The following STK39 variants were observed in gnomAD, a reference collection of about 807,000 sequenced individuals.
The protein encoded by STK39 is STE20/SPS1-related proline-alanine-rich protein kinase.
STK39 carries 20 observed loss-of-function variants against 77.8 expected under a neutral mutation model. The ratio of observed to expected loss-of-function variants is 0.26; its 90% CI spans 0.18 to 0.37. STK39 has a LOEUF of 0.37. Ranked by LOEUF, STK39 falls within the 10% of genes least tolerant of loss-of-function variation. The probability of loss-of-function intolerance (pLI) is 1.00; values close to 1 mark genes in which losing one functional copy is unlikely to be tolerated. For missense variants in STK39, 479 were observed against 656.5 expected, an observed-to-expected ratio of 0.73 and a Z score of 2.95; for synonymous variants, 246 against 234.1, an observed-to-expected ratio of 1.05 and a Z score of -0.47.
chr2:168,093,255 C>T (rs945808865), intron 10 of STK39, among the ~76,000 whole-genome samples: 2 of 152,170 alleles, frequency 1.3e-5, no homozygotes, highest in African/African-American at 4.8e-5. Context: ...CTAGTCCATT[C>T]TCATACTGCT....
chr2:168,121,368 T>C (rs1474176586), intron 10 of STK39, among the ~76,000 whole-genome samples: 2 of 152,188 alleles, frequency 1.3e-5, no homozygotes, highest in South Asian at 2.1e-4. Context: ...TGAAAGAATA[T>C]TGGCTGTGTT....
At chr2:168,246,292 G>C (rs1342906903) in intron 1 of STK39, among the ~76,000 whole-genome samples, 2 of 152,216 alleles carry the variant, frequency 1.3e-5, no homozygotes, top group East Asian at 1.9e-4. Flanking sequence ...TCTAAGTCAA[G>C]GGACAAAACA....
At chr2:168,240,027 T>G (rs1355573372) in intron 1 of STK39, among the ~76,000 whole-genome samples, 1 of 152,234 alleles carries the variant, frequency 6.6e-6, no homozygotes, top group Non-Finnish European at 1.5e-5. Context: ...ACATGCATAT[T>G]ATACTTCAAT....
In STK39 at chr2:168,161,859, T is replaced by C. The variant is rs201769531; in HGVS notation, c.573-17A>G. The stretch of plus-strand genomic sequence containing the variant: ...TTCAAATCCCTATTAGAAAAAAAAA[T>C]AGAAAATAAATTGTAGGGTACAGAC... On this transcript the variant is annotated splice_polypyrimidine_tract_variant and intron_variant, in intron 4 of 17. Coordinates refer to ENST00000355999, the MANE Select transcript of STK39 (RefSeq NM_013233.3). 433 of 1,593,382 alleles carry C rather than the reference T, an allele frequency of 2.7e-4. 1 individual carries two copies. The highest frequency in any genetic ancestry group is 3.4e-4 in the Non-Finnish European group (395 of 1,164,458).
intron 16 of STK39, among the ~76,000 whole-genome samples, chr2:167,978,563 T>G (rs1683338742): frequency 6.6e-6 from 1 of 152,220 alleles, no homozygotes; most frequent in South Asian, 2.1e-4. Flanking sequence ...CTAACATCTT[T>G]TCTTATACTA....
intron 2 of STK39, among the ~76,000 whole-genome samples, chr2:168,172,219 A>G (rs1688846762): frequency 6.6e-6 from 1 of 152,196 alleles, no homozygotes; most frequent in African/African-American, 2.4e-5. Flanking sequence ...GTTGCGTGTG[A>G]GCATCGCCCT....
intron 10 of STK39, among the ~76,000 whole-genome samples, chr2:168,114,841 C>A (rs1275890802): frequency 6.6e-6 from 1 of 152,138 alleles, no homozygotes. Context: ...TACTTTCAGG[C>A]AGGCAGCTGG....
At chr2:168,143,701 A>C (rs1228577945) in intron 5 of STK39, among the ~76,000 whole-genome samples, 1 of 146,108 alleles carries the variant, frequency 6.8e-6, no homozygotes, top group African/African-American at 2.7e-5. Context: ...CAAGAGAGCA[A>C]GACTTTGTCT....
At chr2:168,072,207 T>A (rs931657496) in intron 12 of STK39, among the ~76,000 whole-genome samples, 2 of 152,250 alleles carry the variant, frequency 1.3e-5, no homozygotes, top group African/African-American at 4.8e-5. Context: ...CTAGATTTTT[T>A]AATGAACATA....
chr2:167,989,763 A>G (rs1334766260), intron 16 of STK39, among the ~76,000 whole-genome samples: 1 of 152,332 alleles, frequency 6.6e-6, no homozygotes, highest in Middle Eastern at 3.4e-3. Context: ...TGTTATACAC[A>G]TTATAGACAG....
At chr2:168,012,889 T>C (rs1266819378) in intron 15 of STK39, among the ~76,000 whole-genome samples, 187 bp from the exon 16 acceptor site, 1 of 152,236 alleles carries the variant, frequency 6.6e-6, no homozygotes, top group African/African-American at 2.4e-5. Context: ...ATTTGCATCT[T>C]GCTATTTATT....
At chr2:168,140,461 G>C (rs1486419015) in intron 6 of STK39, 71 bp from the exon 7 acceptor site, 1 of 1,381,636 alleles carries the variant, frequency 7.2e-7, no homozygotes, top group African/African-American at 1.4e-5. Context: ...TCCATGTCAT[G>C]TCAGAAATCC....
At chr2:168,192,029 T>C (rs1220342305) in intron 1 of STK39, among the ~76,000 whole-genome samples, 3 of 152,056 alleles carry the variant, frequency 2.0e-5, no homozygotes, top group Non-Finnish European at 4.4e-5. Flanking sequence ...GGATGGCATC[T>C]CAGGGGGTGG....
intron 1 of STK39, among the ~76,000 whole-genome samples, chr2:168,242,874 CAG>C (rs1690804483): frequency 7.2e-6 from 1 of 139,040 alleles, no homozygotes; most frequent in African/African-American, 2.6e-5. Flanking sequence ...GCCTGGGTGA[CAG>C]AGTGAGACCC....
rs1287509646 is a variant in STK39 at position 168,182,049 on chromosome 2, G to A, written c.250C>T (p.Pro84Ser). The change falls in exon 2 of 18, where the codon CCC becomes TCC. Residue 84 changes from proline to serine, a missense_variant. This residue lies in a region of STK39 where 139 missense variants were observed against 280.6 expected (regional missense o/e 0.50). Coordinates refer to ENST00000355999, the MANE Select transcript of STK39 (RefSeq NM_013233.3). ...TAVVQAALCK[P>S]RQERVAIKRI... The stretch of plus-strand genomic sequence containing the variant: ...TTTATTGCTACACGTTCTTGCCTGG[G>A]TTTGCATAGGGCTGCCTGAACCACA... The A allele has an allele frequency of 1.9e-6, 3 of 1,613,828 alleles. No individual in the cohort carries two copies. In the African/African-American group the frequency reaches 4.0e-5, roughly 22 times the overall value.
chr2:168,187,608 G>T (rs883406), intron 1 of STK39, among the ~76,000 whole-genome samples: 49,092 of 151,992 alleles, frequency 0.32, 8,197 homozygotes, highest in East Asian at 0.46. Context: ...CTTAGCTAGC[G>T]TTGCTCCTTA....
At position 168,240,068 on chromosome 2, in the gene STK39, T is replaced by A. The variant is rs549037364; in HGVS notation, c.208+7160A>T. 2.0e-5 allele frequency among the ~76,000 whole-genome samples: 3 copies of A among 152,328 alleles called. No individual in the cohort carries two copies. The South Asian group carries it at 6.2e-4, about 32-fold the overall frequency. On this transcript the variant is annotated intron_variant, in intron 1 of 17. Coordinates refer to ENST00000355999, the MANE Select transcript of STK39 (RefSeq NM_013233.3). ...CAATATTTAAAAGAAAAGACAGAGC[T>A]CTTTGCTACATAGATGAAAAATGGA...
intron 10 of STK39, among the ~76,000 whole-genome samples, chr2:168,083,982 TTTGGATTTTTATGTG>T (rs1332853979): frequency 1.3e-5 from 2 of 151,888 alleles, no homozygotes; most frequent in Non-Finnish European, 2.9e-5. Flanking sequence ...AAGTGGATAA[TTTGGATTTTTATGTG>T]AATGCTCTTG....
chr2:168,048,487 C>T (rs1344691702), intron 14 of STK39, among the ~76,000 whole-genome samples: 2 of 148,200 alleles, frequency 1.3e-5, no homozygotes, highest in East Asian at 3.9e-4. Flanking sequence ...GCTGGGATTA[C>T]AGGTGTGAGC....
Sources: gnomAD v4.1 joint callset for allele counts (sites outside exome capture counted in the v4.1 genomes callset) on GRCh38, gnomAD v4.1.1 for gene constraint, gnomAD v4.1.1 regional missense constraint, MANE v1.5 for transcripts, NCBI Gene and HGNC (gene_info 2026-07-23, HGNC 2026-07-21) for gene names.